The following CACNG2 variants were observed in gnomAD, a reference collection of about 807,000 sequenced individuals.
CACNG2 encodes the protein calcium voltage-gated channel auxiliary subunit gamma 2, also known as voltage-dependent calcium channel gamma-2 subunit.
CACNG2 carries 3 observed loss-of-function variants against 25.9 expected under a neutral mutation model. The observed-to-expected ratio is 0.12, with a 90% CI of 0.05 to 0.30. The LOEUF is 0.30. Among genes scored for constraint, CACNG2 ranks in the 10% least tolerant of loss-of-function variants. CACNG2 has a pLI of 1.00. For missense variants in CACNG2, 341 were observed against 432.5 expected (o/e 0.79, Z 1.88); for synonymous variants, 167 against 173.3 (o/e 0.96, Z 0.29).
intron 1 of CACNG2, among the ~76,000 whole-genome samples, chr22:36,637,599 A>G (rs941230426): frequency 2.0e-5 from 3 of 152,104 alleles, no homozygotes; most frequent in African/African-American, 7.2e-5. Flanking sequence ...GCATCATCTC[A>G]TTCAATGACA....
chr22:36,570,086 A>G (rs1935199060), intron 2 of CACNG2, among the ~76,000 whole-genome samples: 1 of 152,176 alleles, frequency 6.6e-6, no homozygotes, highest in South Asian at 2.1e-4. Flanking sequence ...CAGCAAATGG[A>G]CTCACAGCAG....
chr22:36,590,564 C>T (rs181954072), intron 1 of CACNG2, among the ~76,000 whole-genome samples: 10 of 152,232 alleles, frequency 6.6e-5, no homozygotes, highest in African/African-American at 2.4e-4. Context: ...TCAAACTTGC[C>T]TGATGTCTCT....
intron 1 of CACNG2, among the ~76,000 whole-genome samples, chr22:36,659,904 A>G (rs1936764335): frequency 6.6e-6 from 1 of 151,640 alleles, no homozygotes; most frequent in African/African-American, 2.4e-5. Flanking sequence ...GTCCCCTAGA[A>G]GAGCCTGACT....
At chr22:36,664,434 T>C (rs968859745) in intron 1 of CACNG2, among the ~76,000 whole-genome samples, 3 of 152,214 alleles carry the variant, frequency 2.0e-5, no homozygotes, top group African/African-American at 7.2e-5. Context: ...CTCATTCCAC[T>C]CGAGAGCGTC....
intron 1 of CACNG2, among the ~76,000 whole-genome samples, chr22:36,679,193 CCTTCCTTTCTTTCTTTCTTTCTTT>C (rs1937059873): frequency 2.0e-5 from 1 of 49,240 alleles, no homozygotes; most frequent in African/African-American, 8.4e-5. Flanking sequence ...TTCCTTCCTT[CCTTCCTTTCTTTCTTTCTTTCTTT>C]CTTTCTTTCT....
rs923625454 is a variant in CACNG2 at position 36,650,433 on chromosome 22, C to T, written c.211+51933G>A. Among the ~76,000 whole-genome samples, 14 of 152,162 alleles carry T rather than the reference C, an allele frequency of 9.2e-5. No homozygotes were observed. In the East Asian group the frequency reaches 9.7e-4, roughly 10 times the overall value. ...TTGCTCAGGCTGGAGTGCAGTGCTT[C>T]GATCCCAGCTCACTGTAGCCTCGAC... On this transcript the variant is annotated intron_variant, in intron 1 of 3. Coordinates refer to ENST00000300105, the MANE Select transcript of CACNG2 (RefSeq NM_006078.5).
chr22:36,623,771 C>A (rs1009288678), intron 1 of CACNG2, among the ~76,000 whole-genome samples: 3 of 151,904 alleles, frequency 2.0e-5, no homozygotes, highest in Non-Finnish European at 1.5e-5. Context: ...CTATTAGTAT[C>A]ATTCATTAAG....
chr22:36,595,302 G>A (rs5995318), intron 1 of CACNG2, among the ~76,000 whole-genome samples: 6,785 of 152,214 alleles, frequency 0.045, 393 homozygotes, highest in African/African-American at 0.13. Flanking sequence ...GAGAGGGCCC[G>A]AAGCCAGCAG....
chr22:36,633,033 A>G (rs1603502166), intron 1 of CACNG2, among the ~76,000 whole-genome samples: 1 of 152,284 alleles, frequency 6.6e-6, no homozygotes, highest in African/African-American at 2.4e-5. Flanking sequence ...CTCTTTGCTA[A>G]CTGTTCTCTC....
chr22:36,666,339 T>C (rs1415941905), intron 1 of CACNG2, among the ~76,000 whole-genome samples: 1 of 152,110 alleles, frequency 6.6e-6, no homozygotes, highest in Non-Finnish European at 1.5e-5. Context: ...GCCCAGGTGA[T>C]TGAGGCTGCA....
intron 1 of CACNG2, among the ~76,000 whole-genome samples, chr22:36,662,114 G>C (rs572630462): frequency 6.6e-6 from 1 of 151,538 alleles, no homozygotes; most frequent in Admixed American, 6.6e-5. Context: ...TAGTAGCTGG[G>C]ATTATAGGCA....
intron 1 of CACNG2, among the ~76,000 whole-genome samples, chr22:36,663,416 A>C (rs1936828405): frequency 6.6e-6 from 1 of 152,182 alleles, no homozygotes; most frequent in African/African-American, 2.4e-5. Context: ...TGCACACACA[A>C]GCAAGCAATA....
At chr22:36,629,543 T>TGA (rs377251099) in intron 1 of CACNG2, among the ~76,000 whole-genome samples, 5 of 151,314 alleles carry the variant, frequency 3.3e-5, no homozygotes, top group Admixed American at 6.6e-5. Context: ...TGTGTGTGTG[T>TGA]GAGAGAGAGA....
intron 1 of CACNG2, among the ~76,000 whole-genome samples, chr22:36,689,711 T>C (rs2146012629): frequency 6.6e-6 from 1 of 152,316 alleles, no homozygotes; most frequent in Middle Eastern, 3.4e-3. Context: ...CTCCCTCCCA[T>C]CTCTCTGCAG....
At chr22:36,649,191 C>T (rs1357156953) in intron 1 of CACNG2, among the ~76,000 whole-genome samples, 1 of 152,228 alleles carries the variant, frequency 6.6e-6, no homozygotes, top group Non-Finnish European at 1.5e-5. Flanking sequence ...TCTGCCGCGG[C>T]AGCTCCATCC....
chr22:36,629,604 A>G (rs1484629905), intron 1 of CACNG2, among the ~76,000 whole-genome samples: 1 of 152,044 alleles, frequency 6.6e-6, no homozygotes, highest in Non-Finnish European at 1.5e-5. Flanking sequence ...AACTTGAAGG[A>G]CATGAAGGAG....
At chr22:36,612,668 C>T (rs573375272) in intron 1 of CACNG2, among the ~76,000 whole-genome samples, 3 of 152,368 alleles carry the variant, frequency 2.0e-5, no homozygotes, top group South Asian at 2.1e-4. Flanking sequence ...CGCTCCACCA[C>T]GAGCACACAA....
rs144670953 is a variant in CACNG2 at position 36,702,388 on chromosome 22, T to C, written c.189A>G (p.Leu63=). 1.9e-6 allele frequency: 3 copies of C among 1,613,850 alleles called. No individual in the cohort carries two copies. In the African/African-American group the frequency reaches 4.0e-5, roughly 22 times the overall value. ...KNEEVMTHSG[L]WRTCCLEGNF... Reference sequence around the variant, plus strand: ...TACCTTCTAGGCAGCAGGTTCTCCATAATCCGGAATGGGTCATAACTTCCT... The same window carrying C: ...TACCTTCTAGGCAGCAGGTTCTCCACAATCCGGAATGGGTCATAACTTCCT... The change falls in exon 1 of 4, where the codon TTA becomes TTG. Residue 63 remains leucine (L), a synonymous_variant. Transcript: ENST00000300105.
At chr22:36,648,632 C>A (rs1202463158) in intron 1 of CACNG2, among the ~76,000 whole-genome samples, 1 of 152,214 alleles carries the variant, frequency 6.6e-6, no homozygotes, top group Admixed American at 6.5e-5. Flanking sequence ...AACATCCATT[C>A]ATCACTTCCA....
Sources: gnomAD v4.1 joint callset for allele counts (sites outside exome capture counted in the v4.1 genomes callset) on GRCh38, gnomAD v4.1.1 for gene constraint, MANE v1.5 for transcripts, NCBI Gene and HGNC (gene_info 2026-07-23, HGNC 2026-07-21) for gene names.